DLGAP1: variants seen among roughly 807,000 people sequenced by gnomAD.
DLGAP1 encodes the protein DLG associated protein 1.
Under a neutral mutation model 90.8 loss-of-function variants are expected in DLGAP1, and 11 were observed. That is an observed-to-expected ratio of 0.12 (90% confidence interval 0.08 to 0.20). The LOEUF is 0.20. Among genes scored for constraint, DLGAP1 ranks in the 10% least tolerant of loss-of-function variants. The pLI, the probability that DLGAP1 is intolerant of heterozygous loss-of-function variation, is 1.00. For missense variants in DLGAP1, 1,050 were observed against 1,333.8 expected (o/e 0.79, Z 3.31); for synonymous variants, 558 against 540.7 (o/e 1.03, Z -0.44).
intron 2 of DLGAP1, among the ~76,000 whole-genome samples, chr18:4,090,937 T>C (rs2075765109): frequency 6.6e-6 from 1 of 152,224 alleles, no homozygotes; most frequent in African/African-American, 2.4e-5. Context: ...ACCACATCCT[T>C]TGCAGGGACA....
intron 4 of DLGAP1, among the ~76,000 whole-genome samples, chr18:3,825,856 A>T (rs1490568072): frequency 6.6e-6 from 1 of 152,180 alleles, no homozygotes; most frequent in Non-Finnish European, 1.5e-5. Context: ...AAACTATACT[A>T]AAGTCATGGA....
chr18:3,755,511 G>A (rs1043636929), intron 5 of DLGAP1, among the ~76,000 whole-genome samples: 26 of 151,980 alleles, frequency 1.7e-4, no homozygotes, highest in African/African-American at 6.3e-4. Context: ...AAAAGAACTG[G>A]AGAGGCTATA....
intron 3 of DLGAP1, among the ~76,000 whole-genome samples, chr18:3,917,398 G>A (rs543100355): frequency 5.3e-5 from 8 of 152,284 alleles, no homozygotes; most frequent in South Asian, 2.1e-4. Flanking sequence ...AGCACTGGAC[G>A]TGAGTCTAAG....
chr18:3,753,400 C>T (rs918490573), intron 5 of DLGAP1, among the ~76,000 whole-genome samples: 1 of 152,166 alleles, frequency 6.6e-6, no homozygotes, highest in Admixed American at 6.5e-5. Flanking sequence ...CACATCTCCC[C>T]TCGAAAGCCT....
At chr18:4,026,689 T>C (rs1481858729) in intron 2 of DLGAP1, among the ~76,000 whole-genome samples, 1 of 152,244 alleles carries the variant, frequency 6.6e-6, no homozygotes, top group Non-Finnish European at 1.5e-5. Flanking sequence ...TGCCACATTT[T>C]CTATTTCTGA....
chr18:3,980,708 T>A (rs1306562759), intron 3 of DLGAP1, among the ~76,000 whole-genome samples: 1 of 152,196 alleles, frequency 6.6e-6, no homozygotes, highest in Non-Finnish European at 1.5e-5. Flanking sequence ...TACTGACCAT[T>A]TTTGCAGGTC....
At chr18:4,073,357 G>C (rs148146758) in intron 2 of DLGAP1, among the ~76,000 whole-genome samples, 38 of 152,136 alleles carry the variant, frequency 2.5e-4, no homozygotes, top group Non-Finnish European at 1.5e-4. Flanking sequence ...GTTTATCTAA[G>C]AGGAAAATGG....
At chr18:4,065,386 C>G (rs953385435) in intron 2 of DLGAP1, among the ~76,000 whole-genome samples, 1 of 152,092 alleles carries the variant, frequency 6.6e-6, no homozygotes, top group African/African-American at 2.4e-5. Context: ...CAAACTATCC[C>G]TGCTTGCAGA....
chr18:3,817,615 G>A (rs1200239527), intron 4 of DLGAP1, among the ~76,000 whole-genome samples: 3 of 152,194 alleles, frequency 2.0e-5, no homozygotes, highest in Non-Finnish European at 4.4e-5. Flanking sequence ...ATATAATCGA[G>A]TCAGTTTTTA....
chr18:3,568,995 ATTT>A (rs1308769109), intron 8 of DLGAP1, among the ~76,000 whole-genome samples: 1 of 145,182 alleles, frequency 6.9e-6, no homozygotes, highest in East Asian at 2.2e-4. Flanking sequence ...CTAAATGATT[ATTT>A]TATTTTATTT....
intron 3 of DLGAP1, among the ~76,000 whole-genome samples, chr18:3,984,551 C>A (rs1474327081): frequency 6.6e-6 from 1 of 152,172 alleles, no homozygotes; most frequent in Non-Finnish European, 1.5e-5. Flanking sequence ...CTCACATTCA[C>A]CCTGTCACCC....
At chr18:4,348,400 ATGTGTGTGTGTGTGTGTGTGTG>A (rs71160958) in intron 1 of DLGAP1, among the ~76,000 whole-genome samples, 1 of 133,488 alleles carries the variant, frequency 7.5e-6, no homozygotes, top group African/African-American at 3.1e-5. Flanking sequence ...GAACTCAGGA[ATGTGTGTGTGTGTGTGTGTGTG>A]TGTGTGTGTG....
intron 3 of DLGAP1, among the ~76,000 whole-genome samples, chr18:3,963,485 C>G (rs2073250210): frequency 6.6e-6 from 1 of 151,976 alleles, no homozygotes; most frequent in Non-Finnish European, 1.5e-5. Flanking sequence ...CCCCAGGTCC[C>G]TTTCTTGTAC....
At chr18:3,626,356 G>A (rs558074248) in intron 7 of DLGAP1, among the ~76,000 whole-genome samples, 18 of 151,788 alleles carry the variant, frequency 1.2e-4, no homozygotes, top group Non-Finnish European at 2.4e-4. Flanking sequence ...CATTTTGGGA[G>A]GCTGAGGTGG....
At chr18:4,005,045 T>C (rs1238234923) in intron 3 of DLGAP1, 71 bp downstream of exon 3, 1 of 152,154 alleles carries the variant, frequency 6.6e-6, no homozygotes, top group East Asian at 1.9e-4. Flanking sequence ...CTAATAACGT[T>C]AGCCTTTTAT....
intron 3 of DLGAP1, among the ~76,000 whole-genome samples, chr18:3,965,622 T>G (rs1282377668): frequency 6.6e-6 from 1 of 152,124 alleles, no homozygotes; most frequent in Non-Finnish European, 1.5e-5. Flanking sequence ...TGCTTGTGTG[T>G]GTGTCTACTA....
intron 2 of DLGAP1, among the ~76,000 whole-genome samples, chr18:4,147,574 C>T (rs2076605869): frequency 8.4e-5 from 1 of 11,882 alleles, no homozygotes. Flanking sequence ...TCCATTCTTC[C>T]ATCCATCCAT....
chr18:4,057,047 AC>A, intron 2 of DLGAP1, among the ~76,000 whole-genome samples: 1 of 135,902 alleles, frequency 7.4e-6, no homozygotes, highest in South Asian at 2.3e-4. Flanking sequence ...ACACACACAC[AC>A]ACACACACAC....
At chr18:4,030,056 G>A (rs143465484) in intron 2 of DLGAP1, among the ~76,000 whole-genome samples, 4,294 of 152,188 alleles carry the variant, frequency 0.028, 91 homozygotes, top group South Asian at 0.05. Context: ...GCAGTGGCGC[G>A]ATCTCGGCTC....
Sources: allele counts gnomAD v4.1 joint callset (sites outside exome capture counted in the v4.1 genomes callset), GRCh38; gene constraint gnomAD v4.1.1; transcripts MANE v1.5; gene names NCBI Gene and HGNC (gene_info 2026-07-23, HGNC 2026-07-21).